The following ADARB2 variants were observed in gnomAD, a reference collection of about 807,000 sequenced individuals.
ADARB2 encodes inactive double-stranded RNA-specific editase B2.
Under a neutral mutation model 62.2 loss-of-function variants are expected in ADARB2, and 25 were observed. That is an observed-to-expected ratio of 0.40 (90% CI 0.29 to 0.56). The LOEUF is 0.56. ADARB2 is among the 20% of genes least tolerant of loss of function. The probability of loss-of-function intolerance (pLI) is 0.43; values close to 1 mark genes in which losing one functional copy is unlikely to be tolerated. For missense variants in ADARB2, 1,071 were observed against 1,077.4 expected (o/e 0.99, Z 0.08); for synonymous variants, 572 against 500.8 (o/e 1.14, Z -1.90).
In ADARB2 at chr10:1,289,770, G is replaced by A. The variant is rs531021313; in HGVS notation, c.1078-18701C>T. Reference sequence around the variant, plus strand: ...GATCCAGCCCCTGGGGGGACCGCCCGACCTTCACTCCACGGTGGGTGTGCC... The same window carrying A: ...GATCCAGCCCCTGGGGGGACCGCCCAACCTTCACTCCACGGTGGGTGTGCC... On this transcript the variant is annotated intron_variant, in intron 3 of 9. Transcript: ENST00000381312. 7.2e-5 allele frequency among the ~76,000 whole-genome samples: 11 copies of A among 152,378 alleles called. No individual in the cohort carries two copies. In the East Asian group the frequency reaches 1.7e-3, roughly 24 times the overall value.
chr10:1,480,499 C>T (rs1040358117), intron 1 of ADARB2, among the ~76,000 whole-genome samples: 2 of 152,270 alleles, frequency 1.3e-5, no homozygotes, highest in East Asian at 1.9e-4. Flanking sequence ...GAGATTGAGA[C>T]CATCCTGGCT....
chr10:1,493,345 T>C (rs576393076), intron 1 of ADARB2, among the ~76,000 whole-genome samples: 2 of 152,226 alleles, frequency 1.3e-5, no homozygotes, highest in Non-Finnish European at 2.9e-5. Context: ...CTTTGTTCCA[T>C]CTTTTTGTTT....
chr10:1,472,358 C>T (rs1221523529), intron 1 of ADARB2, among the ~76,000 whole-genome samples: 1 of 152,142 alleles, frequency 6.6e-6, no homozygotes, highest in Non-Finnish European at 1.5e-5. Flanking sequence ...GTGACGAGCT[C>T]TGTGCCATAG....
chr10:1,193,648 T>C (rs1380411723), intron 8 of ADARB2, among the ~76,000 whole-genome samples: 2 of 152,228 alleles, frequency 1.3e-5, no homozygotes, highest in African/African-American at 4.8e-5. Flanking sequence ...GAGTCCACCA[T>C]AGTTAGACTC....
chr10:1,318,052 G>A (rs1024308098), intron 3 of ADARB2, among the ~76,000 whole-genome samples: 8 of 152,254 alleles, frequency 5.3e-5, no homozygotes, highest in South Asian at 4.1e-4. Flanking sequence ...GGTGTGAAGT[G>A]TTGGCCACTC....
At chr10:1,657,837 T>A (rs1172916488) in intron 1 of ADARB2, among the ~76,000 whole-genome samples, 4 of 152,184 alleles carry the variant, frequency 2.6e-5, no homozygotes, top group Admixed American at 1.3e-4. Context: ...CCTCTCTATC[T>A]CTGTCTCTGA....
intron 2 of ADARB2, among the ~76,000 whole-genome samples, chr10:1,370,071 GA>G (rs1564271810): frequency 6.6e-6 from 1 of 152,204 alleles, no homozygotes; most frequent in Non-Finnish European, 1.5e-5. Context: ...CAGAATGCGT[GA>G]TTTCAGCAAC....
chr10:1,512,754 C>T (rs1831952111), intron 1 of ADARB2, among the ~76,000 whole-genome samples: 1 of 152,174 alleles, frequency 6.6e-6, no homozygotes, highest in South Asian at 2.1e-4. Flanking sequence ...TTGTTTGTCC[C>T]CCAGGGATGT....
At position 1,398,308 on chromosome 10, in the gene ADARB2, A is replaced by G. The variant is rs542530077; in HGVS notation, c.101-19148T>C. On this transcript the variant is annotated intron_variant, in intron 1 of 9. Transcript: ENST00000381312. The surrounding 1 kb of genome is among the most constrained non-coding windows in gnomAD (Gnocchi z 4.1). The stretch of plus-strand genomic sequence containing the variant: ...GGCAGGGCTTCGCCTGCTTCCTGCA[A>G]TTGTGTCCAGGGCGCAGGAAGCTGC... Among the ~76,000 whole-genome samples, 3 of 152,156 alleles carry G rather than the reference A, an allele frequency of 2.0e-5. No homozygotes were observed. The highest frequency in any genetic ancestry group is 4.8e-5 in the African/African-American group (2 of 41,452).
chr10:1,439,976 T>C (rs1455489914), intron 1 of ADARB2, among the ~76,000 whole-genome samples: 1 of 148,600 alleles, frequency 6.7e-6, no homozygotes, highest in Non-Finnish European at 1.5e-5. Context: ...AAGCAGTTTC[T>C]TCACTATGGG....
At chr10:1,670,820 C>A (rs1834374952) in intron 1 of ADARB2, among the ~76,000 whole-genome samples, 1 of 152,096 alleles carries the variant, frequency 6.6e-6, no homozygotes, top group Non-Finnish European at 1.5e-5. Context: ...TCTGTAAGAG[C>A]AGGAGCAGGA....
intron 1 of ADARB2, among the ~76,000 whole-genome samples, chr10:1,561,902 C>T (rs1832790660): frequency 6.6e-6 from 1 of 152,242 alleles, no homozygotes; most frequent in Admixed American, 6.5e-5. Flanking sequence ...ACCAGGATTG[C>T]CACATCGTGT....
chr10:1,537,800 C>A (rs560451464), intron 1 of ADARB2, among the ~76,000 whole-genome samples: 1 of 151,976 alleles, frequency 6.6e-6, no homozygotes, highest in Non-Finnish European at 1.5e-5. Flanking sequence ...CATCACACAC[C>A]GGGACCTGTC....
chr10:1,303,830 A>G (rs971023413), intron 3 of ADARB2, among the ~76,000 whole-genome samples: 44 of 149,940 alleles, frequency 2.9e-4, no homozygotes, highest in African/African-American at 1.1e-3. Flanking sequence ...ATGCTGAGAG[A>G]TTTTGTCACC....
intron 1 of ADARB2, among the ~76,000 whole-genome samples, chr10:1,707,324 C>T (rs1260319354): frequency 6.6e-6 from 1 of 152,212 alleles, no homozygotes; most frequent in African/African-American, 2.4e-5. Flanking sequence ...AGGGGTGTGT[C>T]CCACGGGGCT....
chr10:1,647,702 ATG>A (rs766505538), intron 1 of ADARB2, among the ~76,000 whole-genome samples: 7 of 151,772 alleles, frequency 4.6e-5, no homozygotes, highest in Non-Finnish European at 7.4e-5. Flanking sequence ...GTGTGCATAT[ATG>A]TGTGTATATG....
chr10:1,510,158 T>A (rs1179468564), intron 1 of ADARB2, among the ~76,000 whole-genome samples: 12 of 145,538 alleles, frequency 8.2e-5, no homozygotes, highest in African/African-American at 3.2e-4. Flanking sequence ...CTTTCTTTCT[T>A]TCTTTCTTTC....
intron 1 of ADARB2, among the ~76,000 whole-genome samples, chr10:1,425,338 T>G (rs148750141): frequency 1.3e-5 from 2 of 152,328 alleles, no homozygotes; most frequent in Admixed American, 6.5e-5. Flanking sequence ...TTTATTTGGG[T>G]TTTTGTTTCC....
chr10:1,183,060 T>C lies in ADARB2; in HGVS notation c.*133A>G. 9.8e-7 allele frequency: 1 copy of C among 1,018,662 alleles called. No individual in the cohort carries two copies. Among genetic ancestry groups the C allele is most frequent in the African/African-American group, 1.6e-5 (1 of 61,762 alleles). The allele number at this position is 1,018,662 out of a possible 1,614,324, so 63.1% of individuals were successfully genotyped here. ...TTTGTGTTGTTGCTCGTCCAAACAT[T>C]GCACACTCGCGTGTTTCTGGGACAC... On this transcript the variant is annotated 3_prime_UTR_variant, in exon 10 of 10. Coordinates refer to ENST00000381312, the MANE Select transcript of ADARB2 (RefSeq NM_018702.4).
Sources: allele counts gnomAD v4.1 joint callset (sites outside exome capture counted in the v4.1 genomes callset), GRCh38; gene constraint gnomAD v4.1.1; non-coding constraint Gnocchi (gnomAD v3.1); transcripts MANE v1.5; gene names NCBI Gene and HGNC (gene_info 2026-07-23, HGNC 2026-07-21).